The following FAM174B variants were observed in gnomAD, a reference collection of about 807,000 sequenced individuals.
FAM174B encodes family with sequence similarity 174 member B, also known as membrane protein FAM174B.
FAM174B carries 12 observed loss-of-function variants against 10.9 expected under a neutral mutation model. That is an observed-to-expected ratio of 1.10 (90% CI 0.71 to 1.79). The LOEUF (loss-of-function observed/expected upper bound fraction) is 1.79. FAM174B is among the 40% of genes most tolerant of loss of function. FAM174B has a pLI of 0.00. For synonymous variants in FAM174B, 132 were observed against 115.8 expected, an observed-to-expected ratio of 1.14 and a Z score of -0.90; for missense variants, 266 against 233.3, an observed-to-expected ratio of 1.14 and a Z score of -0.91.
chr15:92,643,132 ATTTGTTT>A (rs1255983756), intron 1 of FAM174B, among the ~76,000 whole-genome samples: 1 of 33,832 alleles, frequency 3.0e-5, no homozygotes, highest in Admixed American at 5.8e-4. Flanking sequence ...TGGACACTTT[ATTTGTTT>A]TTTTTTTTTA....
intron 1 of FAM174B, among the ~76,000 whole-genome samples, chr15:92,643,173 T>A (rs2141961394): frequency 6.6e-6 from 1 of 151,846 alleles, no homozygotes; most frequent in African/African-American, 2.4e-5. Context: ...CTGGCTATGT[T>A]GACCAGGCTG....
At chr15:92,623,995 A>G (rs1397149581) in intron 2 of FAM174B, among the ~76,000 whole-genome samples, 2 of 151,238 alleles carry the variant, frequency 1.3e-5, no homozygotes, top group African/African-American at 4.9e-5. Context: ...TTATTTGATC[A>G]GATTCCTGTT....
chr15:92,619,377 C>CT lies in FAM174B; in HGVS notation c.*78dup. 6.4e-7 allele frequency: 1 copy of CT among 1,569,010 alleles called. No individual in the cohort carries two copies. The highest frequency in any genetic ancestry group is 8.8e-7 in the Non-Finnish European group (1 of 1,139,428). On this transcript the variant is annotated 3_prime_UTR_variant, in exon 3 of 3. Coordinates refer to ENST00000327355, the MANE Select transcript of FAM174B (RefSeq NM_207446.3). ...TTTCAACACCTCCGACGCAAGAGGG[C>CT]TTCCAGGTCCAGTCCTTCACACCCC...
rs16947117 is a variant in FAM174B at position 92,619,310 on chromosome 15, C to T, written c.*146G>A. The T allele has an allele frequency of 2.1e-5, 18 of 853,878 alleles. No individual in the cohort carries two copies. The highest frequency in any genetic ancestry group is 9.9e-5 in the Admixed American group (5 of 50,608). 52.9% of individuals were successfully genotyped at this position (853,878 alleles called of 1,614,324 possible). A position where few individuals can be genotyped will look rare whatever the true frequency, so the allele number is the denominator to read the frequency against. On this transcript the variant is annotated 3_prime_UTR_variant, in exon 3 of 3. Coordinates refer to ENST00000327355, the MANE Select transcript of FAM174B (RefSeq NM_207446.3). ...TGACAGTCTGAGCAGATGCCTGACACGCACGATGGAGCTGGGGTTTTATAC... is the reference window on the plus strand; with the variant it reads ...TGACAGTCTGAGCAGATGCCTGACATGCACGATGGAGCTGGGGTTTTATAC...
In FAM174B at chr15:92,630,761, TATATA is replaced by T. The variant is rs1429469912; in HGVS notation, c.345-421_345-417del. ...ATATATTTTTTATATTATATAATAATATATAATAATAATATATTTTATATATTACA... is the reference window on the plus strand; with the variant it reads ...ATATATTTTTTATATTATATAATAATATAATAATATATTTTATATATTACA... On this transcript the variant is annotated intron_variant, in intron 1 of 2. Transcript: ENST00000327355. Among the ~76,000 whole-genome samples, 9 of 5,362 alleles carry T rather than the reference TATATA, an allele frequency of 1.7e-3. 1 individual carries two copies. Among genetic ancestry groups the T allele is most frequent in the South Asian group, 0.5 (1 of 2 alleles). The allele number at this position is 5,362 out of a possible 152,430, so 3.5% of individuals were successfully genotyped here. A position where few individuals can be genotyped will look rare whatever the true frequency, so the allele number is the denominator to read the frequency against.
chr15:92,651,735 T>C (rs755714047), intron 1 of FAM174B, among the ~76,000 whole-genome samples: 7 of 152,256 alleles, frequency 4.6e-5, no homozygotes, highest in Non-Finnish European at 1.0e-4. Flanking sequence ...CTGAATATCA[T>C]TGCACTTGCA....
At chr15:92,623,590 C>A (rs528378136) in intron 2 of FAM174B, among the ~76,000 whole-genome samples, 1 of 152,152 alleles carries the variant, frequency 6.6e-6, no homozygotes, top group African/African-American at 2.4e-5. Context: ...GAAGCTTGTC[C>A]GGCAGGCAAA....
intron 2 of FAM174B, among the ~76,000 whole-genome samples, chr15:92,627,856 T>C (rs1203878108): frequency 6.6e-6 from 1 of 152,242 alleles, no homozygotes; most frequent in Non-Finnish European, 1.5e-5. Flanking sequence ...TTTACTTCTT[T>C]GTATTGAATG....
chr15:92,629,818 G>A lies in FAM174B; in HGVS notation c.476+396C>T, dbSNP rs555115816. ...CTGAATCACAGGGCTGGGCCTTCCC[G>A]TGCTGCTCTCGTCCTGACAGTGAAT... On this transcript the variant is annotated intron_variant, in intron 2 of 2. Transcript: ENST00000327355. 2.4e-4 allele frequency among the ~76,000 whole-genome samples: 36 copies of A among 152,190 alleles called. No individual in the cohort carries two copies. The South Asian group carries it at 7.3e-3, about 31-fold the overall frequency.
At chr15:92,642,580 T>C (rs2050898680) in intron 1 of FAM174B, among the ~76,000 whole-genome samples, 1 of 152,230 alleles carries the variant, frequency 6.6e-6, no homozygotes, top group African/African-American at 2.4e-5. Flanking sequence ...TTGATGGTTT[T>C]ATAAGGGGAT....
intron 1 of FAM174B, among the ~76,000 whole-genome samples, chr15:92,654,184 G>C (rs1392652496): frequency 6.6e-6 from 1 of 152,192 alleles, no homozygotes; most frequent in African/African-American, 2.4e-5. Flanking sequence ...TGACAGCAAA[G>C]CTCAATACAT....
At chr15:92,650,827 C>T (rs941030593) in intron 1 of FAM174B, among the ~76,000 whole-genome samples, 1 of 152,190 alleles carries the variant, frequency 6.6e-6, no homozygotes, top group African/African-American at 2.4e-5. Context: ...CTCCCATAAA[C>T]CTGCCAAGTA....
intron 1 of FAM174B, among the ~76,000 whole-genome samples, chr15:92,645,333 C>G (rs573810910): frequency 6.6e-6 from 1 of 152,298 alleles, no homozygotes; most frequent in African/African-American, 2.4e-5. Context: ...CAGCACAGAC[C>G]GTGCCCCTGG....
intron 1 of FAM174B, among the ~76,000 whole-genome samples, 192 bp from the exon 2 acceptor site, chr15:92,630,537 C>T (rs1187876551): frequency 6.6e-6 from 1 of 151,844 alleles, no homozygotes; most frequent in Non-Finnish European, 1.5e-5. Context: ...TGAGACTGCT[C>T]CCAGGAGATT....
intron 1 of FAM174B, among the ~76,000 whole-genome samples, chr15:92,631,413 A>ATTATATTATATATTATATATT (rs2050814486): frequency 4.8e-5 from 2 of 41,444 alleles, no homozygotes; most frequent in Non-Finnish European, 8.0e-5. Flanking sequence ...TATTATATAT[A>ATTATATTATATATTATATATT]ATATATAATA....
At position 92,618,293 on chromosome 15, in the gene FAM174B, G is replaced by A. The variant is rs1596291548; in HGVS notation, c.*1163C>T. The A allele has an allele frequency of 6.5e-6, 1 of 152,732 alleles. No homozygotes were observed. The highest frequency in any genetic ancestry group is 2.1e-4 in the South Asian group (1 of 4,840). The allele number at this position is 152,732 out of a possible 1,614,324, so 9.5% of individuals were successfully genotyped here. A position where few individuals can be genotyped will look rare whatever the true frequency, so the allele number is the denominator to read the frequency against. On this transcript the variant is annotated 3_prime_UTR_variant, in exon 3 of 3. Transcript: ENST00000327355. ...CTAGCCTGGGAACACCGCTAGTCAG[G>A]AGGCCTCAATCAACCTGAGAAGTCA...
rs778960408 is a variant in FAM174B at position 92,630,227 on chromosome 15, C to T, written c.463G>A (p.Asp155Asn). 57 of 1,613,542 alleles carry T rather than the reference C, an allele frequency of 3.5e-5. No individual in the cohort carries two copies. Among genetic ancestry groups the T allele is most frequent in the South Asian group, 2.9e-4 (26 of 91,040 alleles). ...TCCACCCTGTACCTGTATTTGATGT[C>T]GAATACTGTGGAGTCCTCATCTTCA... Reference protein sequence around the residue: ...DDEDEDSTVFDIKYR With the variant: ...DDEDEDSTVFNIKYR The change falls in exon 2 of 3, where the codon GAC (aspartate) becomes AAC (asparagine). Residue 155 changes from aspartate to asparagine, a missense_variant. Coordinates refer to ENST00000327355, the MANE Select transcript of FAM174B (RefSeq NM_207446.3).
chr15:92,635,810 ACCTCAGGTGATCTGCCTGCCTCAG>A (rs932524615), intron 1 of FAM174B, among the ~76,000 whole-genome samples: 2 of 151,980 alleles, frequency 1.3e-5, no homozygotes, highest in African/African-American at 4.8e-5. Flanking sequence ...TGAACTCCTG[ACCTCAGGTGATCTGCCTGCCTCAG>A]CCTCCCAAAG....
At chr15:92,629,564 C>G (rs2050777059) in intron 2 of FAM174B, among the ~76,000 whole-genome samples, 1 of 152,220 alleles carries the variant, frequency 6.6e-6, no homozygotes, top group Non-Finnish European at 1.5e-5. Flanking sequence ...CCCCTGACAA[C>G]CAGTGGACAA....
Sources: allele counts gnomAD v4.1 joint callset (sites outside exome capture counted in the v4.1 genomes callset), GRCh38; gene constraint gnomAD v4.1.1; transcripts MANE v1.5; gene names NCBI Gene and HGNC (gene_info 2026-07-23, HGNC 2026-07-21).